The following ZNF611 variants were observed in gnomAD, a reference collection of about 807,000 sequenced individuals.
The protein encoded by ZNF611 is zinc finger protein 611.
In ZNF611, 6 loss-of-function variants were observed where a neutral mutation model predicts 8.9. That is an observed-to-expected ratio of 0.68 (90% CI 0.37 to 1.34). The LOEUF (loss-of-function observed/expected upper bound fraction) is 1.34, where lower values mean the gene tolerates loss of function less well. Among genes scored for constraint, ZNF611 ranks in the 40% most tolerant of loss-of-function variants. The pLI is 0.02. For synonymous variants in ZNF611, 262 were observed against 279.7 expected (o/e 0.94, Z 0.63); for missense variants, 874 against 841.3 (o/e 1.04, Z -0.48).
In ZNF611 at chr19:52,704,272, C is replaced by T. The variant is rs1407724375; in HGVS notation, c.*665G>A. 1.8e-5 allele frequency: 9 copies of T among 503,644 alleles called. No homozygotes were observed. The highest frequency in any genetic ancestry group is 2.8e-5 in the Non-Finnish European group (7 of 251,612). 31.2% of individuals were successfully genotyped at this position (503,644 alleles called of 1,614,324 possible). On this transcript the variant is annotated 3_prime_UTR_variant, in exon 6 of 6. Transcript: ENST00000652185. ...TTTGCTATACTCATTTCATTGGGAA[C>T]GGTTATCTCAAAAATGAATTTTCTG...
chr19:52,731,072 G>T (rs1489668360), intron 1 of ZNF611, among the ~76,000 whole-genome samples: 3 of 150,090 alleles, frequency 2.0e-5, no homozygotes, highest in Non-Finnish European at 4.5e-5. Flanking sequence ...TTTTTTTTTG[G>T]GGGTGGGGGA....
Position 52,704,865 on chromosome 19 carries a change from CT to C in ZNF611, c.*71del. On this transcript the variant is annotated 3_prime_UTR_variant, in exon 6 of 6. Coordinates refer to ENST00000652185, the MANE Select transcript of ZNF611 (RefSeq NM_001161499.2). ...GAAACCTTACATTTGTAAGCTTTCT[CT>C]CCAGTATAAATTCTCCTATGTCTTT... 6.2e-7 allele frequency: 1 copy of C among 1,608,232 alleles called. No homozygotes were observed. The highest frequency in any genetic ancestry group is 1.1e-5 in the South Asian group (1 of 90,204).
intron 3 of ZNF611, among the ~76,000 whole-genome samples, chr19:52,725,355 G>C (rs890284914): frequency 6.6e-6 from 1 of 152,208 alleles, no homozygotes; most frequent in Non-Finnish European, 1.5e-5. Flanking sequence ...CAGGACTGGG[G>C]CCCCGGCGCT....
In ZNF611 at chr19:52,705,291, A is replaced by G. The variant is rs149037768; in HGVS notation, c.1764T>C (p.His588=). ...RSYLVCHHRV[H]SGEKPYKCNE... ...TACACTTGTAAGGTTTCTCACCACT[A>G]TGAACTCTATGATGGCATACAAGGT... The change falls in exon 6 of 6, where the codon CAT becomes CAC. Residue 588 remains histidine, a synonymous_variant. Coordinates refer to ENST00000652185, the MANE Select transcript of ZNF611 (RefSeq NM_001161499.2). 70 of 1,613,978 alleles carry G rather than the reference A, an allele frequency of 4.3e-5. No individual in the cohort carries two copies. The highest frequency in any genetic ancestry group is 5.6e-5 in the Non-Finnish European group (66 of 1,180,016).
intron 1 of ZNF611, among the ~76,000 whole-genome samples, chr19:52,734,238 A>G (rs964365582): frequency 1.4e-5 from 2 of 142,954 alleles, no homozygotes; most frequent in African/African-American, 2.6e-5. Flanking sequence ...TCCCTCACCA[A>G]TCCTCTATTT....
At position 52,704,654 on chromosome 19, in the gene ZNF611, C is replaced by T. The variant is rs1013439696; in HGVS notation, c.*283G>A. ...CTCCAATGATTTGTAATCGTTGTAG[C>T]ATTACTGAAGACTTTGTGACAATCA... On this transcript the variant is annotated 3_prime_UTR_variant, in exon 6 of 6. Transcript: ENST00000652185. 19 of 1,587,884 alleles carry T rather than the reference C, an allele frequency of 1.2e-5. No homozygotes were observed. The highest frequency in any genetic ancestry group is 5.0e-5 in the Admixed American group (3 of 59,798).
intron 3 of ZNF611, among the ~76,000 whole-genome samples, chr19:52,721,816 G>A (rs2062362122): frequency 6.6e-6 from 1 of 151,974 alleles, no homozygotes; most frequent in Admixed American, 6.6e-5. Context: ...CCACACTGAA[G>A]TGCAATGATG....
chr19:52,714,035 T>C lies in ZNF611; in HGVS notation c.170A>G (p.Tyr57Cys). The C allele has an allele frequency of 1.9e-6, 3 of 1,614,164 alleles. No individual in the cohort carries two copies. The highest frequency in any genetic ancestry group is 2.2e-5 in the East Asian group (1 of 44,874). ...CTCACCCACAGCCTCCAGGTTCCTG[T>C]AGTTCTCCAACATCACTTCCCTGTA... Reference protein sequence around the residue: ...ALYREVMLENYRNLEAVDISS... With the variant: ...ALYREVMLENCRNLEAVDISS... Residue 57 changes from tyrosine (Y) to cysteine (C), a missense_variant, in exon 5 of 6, where the codon TAC becomes TGC. Tyr to Cys is a radical substitution (Grantham distance 194, BLOSUM62 -2). Coordinates refer to ENST00000652185, the MANE Select transcript of ZNF611 (RefSeq NM_001161499.2).
Position 52,714,727 on chromosome 19 carries a change from C to T in ZNF611, c.64-586G>A. On this transcript the variant is annotated intron_variant, in intron 4 of 5. Transcript: ENST00000652185. ...AACAAAACAAAAAAACAATGCCGGGCAGTGACTGTCACCTGTAATCCCAGC... is the reference window on the plus strand; with the variant it reads ...AACAAAACAAAAAAACAATGCCGGGTAGTGACTGTCACCTGTAATCCCAGC... 2.3e-5 allele frequency among the ~76,000 whole-genome samples: 2 copies of T among 87,668 alleles called. 1 individual carries two copies. Among genetic ancestry groups the T allele is most frequent in the East Asian group, 8.1e-4 (2 of 2,470 alleles). 57.5% of individuals were successfully genotyped at this position (87,668 alleles called of 152,430 possible). A position where few individuals can be genotyped will look rare whatever the true frequency, so the allele number is the denominator to read the frequency against.
rs1348695237 is a variant in ZNF611, at chr19:52,714,112, T to C, written c.93A>G (p.Ile31Met). ...QGRLTFRDVA[I>M]EFSLAEWKCL... The stretch of plus-strand genomic sequence containing the variant: ...ATTTCCACTCTGCCAATGAGAATTC[T>C]ATAGCCACATCCCGGAAAGTCAAGC... Residue 31 changes from isoleucine to methionine, a missense_variant, in exon 5 of 6, where the codon ATA (isoleucine) becomes ATG (methionine). Physicochemically the swap from Ile to Met is conservative, Grantham distance 10. Transcript: ENST00000652185. The C allele has an allele frequency of 6.2e-6, 10 of 1,613,930 alleles. No homozygotes were observed. Among genetic ancestry groups the C allele is most frequent in the Non-Finnish European group, 8.5e-6 (10 of 1,179,972 alleles).
intron 1 of ZNF611, among the ~76,000 whole-genome samples, chr19:52,732,034 G>A (rs1600339045): frequency 6.6e-6 from 1 of 151,962 alleles, no homozygotes; most frequent in East Asian, 2.0e-4. Flanking sequence ...ACTTTGGGAG[G>A]CTGAGGCGGG....
intron 1 of ZNF611, among the ~76,000 whole-genome samples, chr19:52,732,771 T>C: frequency 7.3e-6 from 1 of 137,518 alleles, no homozygotes; most frequent in Admixed American, 7.4e-5. Context: ...ATAGTGAAAC[T>C]CCGTTTCTAC....
chr19:52,715,608 C>T (rs562214801), intron 4 of ZNF611, among the ~76,000 whole-genome samples: 1 of 152,204 alleles, frequency 6.6e-6, no homozygotes, highest in South Asian at 2.1e-4. Context: ...GGGTGTGAGC[C>T]CTTCCCAGGA....
At chr19:52,720,311 C>T (rs2062346661) in intron 3 of ZNF611, among the ~76,000 whole-genome samples, 1 of 152,254 alleles carries the variant, frequency 6.6e-6, no homozygotes, top group Non-Finnish European at 1.5e-5. Flanking sequence ...TGTCACTTCA[C>T]ACTTGGAAGA....
rs755716930 is a variant in ZNF611, at chr19:52,705,648, C to T, written c.1407G>A (p.Leu469=). The T allele has an allele frequency of 5.6e-6, 9 of 1,613,620 alleles. No homozygotes were observed. In the Admixed American group the frequency reaches 1.5e-4, roughly 27 times the overall value. The change falls in exon 6 of 6, where the codon CTG becomes CTA. Residue 469 remains leucine, a synonymous_variant. Coordinates refer to ENST00000652185, the MANE Select transcript of ZNF611 (RefSeq NM_001161499.2). ...CDKAFVWSSQ[L]AKHTRIDCGE... is the part of the protein sequence containing the mutation. Reference sequence around the variant, plus strand: ...CACAGTCAATTCTAGTATGTTTTGCCAGTTGTGAACTCCACACAAAAGCCT... The same window carrying T: ...CACAGTCAATTCTAGTATGTTTTGCTAGTTGTGAACTCCACACAAAAGCCT...
rs773267841 is a variant in ZNF611, at chr19:52,733,035, T to C, written c.-222+1966A>G. 1.1e-3 allele frequency among the ~76,000 whole-genome samples: 173 copies of C among 152,306 alleles called. 2 individuals carry two copies. The highest frequency in any genetic ancestry group is 1.7e-3 in the Non-Finnish European group (117 of 68,036). ...TTTCCCACTTCACTGACCCACGTCCTACCCCATCCTAGGAAAAGGGGAGAC... is the reference window on the plus strand; with the variant it reads ...TTTCCCACTTCACTGACCCACGTCCCACCCCATCCTAGGAAAAGGGGAGAC... On this transcript the variant is annotated intron_variant, in intron 1 of 5. Transcript: ENST00000652185.
At chr19:52,713,502 C>T (rs1048151675) in intron 5 of ZNF611, among the ~76,000 whole-genome samples, 4 of 152,146 alleles carry the variant, frequency 2.6e-5, no homozygotes, top group African/African-American at 9.7e-5. Context: ...GGAGGAATTG[C>T]AACACCACTG....
chr19:52,728,463 G>A (rs539354746), intron 3 of ZNF611, among the ~76,000 whole-genome samples: 4 of 152,146 alleles, frequency 2.6e-5, no homozygotes, highest in East Asian at 1.9e-4. Flanking sequence ...ACATGTACCC[G>A]AGAGACAGAA....
In ZNF611 at chr19:52,704,195, A is replaced by G. The variant is rs1356966329; in HGVS notation, c.*742T>C. 28 of 394,078 alleles carry G rather than the reference A, an allele frequency of 7.1e-5. No individual in the cohort carries two copies. The highest frequency in any genetic ancestry group is 1.4e-4 in the Non-Finnish European group (28 of 194,306). 24.4% of individuals were successfully genotyped at this position (394,078 alleles called of 1,614,324 possible). A position where few individuals can be genotyped will look rare whatever the true frequency, so the allele number is the denominator to read the frequency against. The stretch of plus-strand genomic sequence containing the variant: ...GGCTTGAACTCAATGTTAAGTCAAC[A>G]CAAACTCAAGTCAATGCTGAATTGA... On this transcript the variant is annotated 3_prime_UTR_variant, in exon 6 of 6. Coordinates refer to ENST00000652185, the MANE Select transcript of ZNF611 (RefSeq NM_001161499.2).
Sources: gnomAD v4.1 joint callset for allele counts (sites outside exome capture counted in the v4.1 genomes callset) on GRCh38, gnomAD v4.1.1 for gene constraint, MANE v1.5 for transcripts, NCBI Gene and HGNC (gene_info 2026-07-23, HGNC 2026-07-21) for gene names.